DLGAP1: variants seen among roughly 807,000 people sequenced by gnomAD.
DLGAP1 encodes DLG associated protein 1.
In DLGAP1, 11 loss-of-function variants were observed where a neutral mutation model predicts 90.8. The observed-to-expected ratio is 0.12, with a 90% CI of 0.08 to 0.20. The LOEUF is 0.20. DLGAP1 is among the 10% of genes least tolerant of loss of function. The pLI, the probability that DLGAP1 is intolerant of heterozygous loss-of-function variation, is 1.00. For synonymous variants in DLGAP1, 558 were observed against 540.7 expected (o/e 1.03, Z -0.44); for missense variants, 1,050 against 1,333.8 (o/e 0.79, Z 3.31).
At chr18:3,933,250 C>T (rs1312304768) in intron 3 of DLGAP1, among the ~76,000 whole-genome samples, 1 of 152,198 alleles carries the variant, frequency 6.6e-6, no homozygotes, top group Non-Finnish European at 1.5e-5. Context: ...ATTCAGATGG[C>T]TTCTGCCTTT....
At chr18:3,990,816 A>G (rs1438410849) in intron 3 of DLGAP1, among the ~76,000 whole-genome samples, 3 of 151,990 alleles carry the variant, frequency 2.0e-5, no homozygotes, top group African/African-American at 7.2e-5. Context: ...AACATAGTAC[A>G]TGCAACAGAG....
chr18:4,099,482 G>A (rs2075743932), intron 2 of DLGAP1, among the ~76,000 whole-genome samples: 1 of 152,132 alleles, frequency 6.6e-6, no homozygotes, highest in South Asian at 2.1e-4. Context: ...ACACTGCACT[G>A]TAGTTTATTG....
intron 7 of DLGAP1, among the ~76,000 whole-genome samples, chr18:3,611,088 C>T (rs1330883376): frequency 1.3e-5 from 2 of 151,352 alleles, no homozygotes; most frequent in Non-Finnish European, 1.5e-5. Context: ...GCTATGATCG[C>T]ACCACTGCAC....
In DLGAP1 at chr18:3,666,341, T is replaced by C. The variant is rs140554056; in HGVS notation, c.1591+62794A>G. 6.0e-3 allele frequency among the ~76,000 whole-genome samples: 906 copies of C among 152,100 alleles called. 13 individuals carry two copies. Among genetic ancestry groups the C allele is most frequent in the African/African-American group, 0.021 (855 of 41,538 alleles). On this transcript the variant is annotated intron_variant, in intron 7 of 12. Transcript: ENST00000315677. ...AAGGATTTTTAAACATATTTTTTCC[T>C]TGGCGGAACTCTTTTTAGTAAGGAT...
At chr18:4,112,055 T>C (rs1180822346) in intron 2 of DLGAP1, among the ~76,000 whole-genome samples, 2 of 151,892 alleles carry the variant, frequency 1.3e-5, no homozygotes, top group Non-Finnish European at 2.9e-5. Context: ...TCTTTTTTAA[T>C]GTAGGCACTT....
intron 4 of DLGAP1, among the ~76,000 whole-genome samples, chr18:3,833,190 C>A (rs1380890572): frequency 0.019 from 564 of 30,010 alleles, 88 homozygotes; most frequent in African/African-American, 0.053. Context: ...TCCTTCCTTC[C>A]TTCCTTCCTT....
At chr18:3,880,944 GAAAAAAAAAA>G (rs1173817359) in intron 3 of DLGAP1, among the ~76,000 whole-genome samples, 2 of 38,376 alleles carry the variant, frequency 5.2e-5, no homozygotes, top group African/African-American at 1.8e-4. Flanking sequence ...CTCCATCTCA[GAAAAAAAAAA>G]AAAAAAAAAA....
chr18:4,101,786 T>C (rs569845773), intron 2 of DLGAP1, among the ~76,000 whole-genome samples: 2 of 152,106 alleles, frequency 1.3e-5, no homozygotes, highest in South Asian at 2.1e-4. Context: ...TTAATAATTA[T>C]ACACACATAT....
At chr18:4,258,769 G>C (rs547780884) in intron 1 of DLGAP1, among the ~76,000 whole-genome samples, 2 of 152,210 alleles carry the variant, frequency 1.3e-5, no homozygotes, top group East Asian at 3.9e-4. Flanking sequence ...AAATAGAAAT[G>C]ATCAGCAAAA....
intron 1 of DLGAP1, among the ~76,000 whole-genome samples, chr18:4,438,134 T>C (rs540037385): frequency 5.1e-4 from 77 of 152,250 alleles, no homozygotes; most frequent in African/African-American, 1.8e-3. Flanking sequence ...ACACCTCCCA[T>C]GGGGCCCAGT....
At chr18:3,961,032 C>T (rs1354098140) in intron 3 of DLGAP1, among the ~76,000 whole-genome samples, 1 of 152,218 alleles carries the variant, frequency 6.6e-6, no homozygotes, top group Non-Finnish European at 1.5e-5. Context: ...TGTTCTCTTC[C>T]TGCTTCTGGA....
chr18:3,529,690 T>C (rs1424401570), intron 10 of DLGAP1, among the ~76,000 whole-genome samples: 1 of 152,172 alleles, frequency 6.6e-6, no homozygotes, highest in Non-Finnish European at 1.5e-5. Context: ...TATAAAATAA[T>C]GTGGGAAGTA....
intron 2 of DLGAP1, among the ~76,000 whole-genome samples, chr18:4,113,828 T>C (rs759024510): frequency 2.0e-5 from 3 of 152,164 alleles, no homozygotes; most frequent in Non-Finnish European, 2.9e-5. Context: ...CTTTTGCAAA[T>C]GGCTAGCCAG....
chr18:4,289,100 C>T (rs77320237), intron 1 of DLGAP1, among the ~76,000 whole-genome samples: 4,608 of 152,266 alleles, frequency 0.03, 155 homozygotes, highest in African/African-American at 0.085. Flanking sequence ...GACTGAAATA[C>T]TGCCCTGTTC....
chr18:3,900,684 G>A (rs941940857), intron 3 of DLGAP1, among the ~76,000 whole-genome samples: 3 of 152,100 alleles, frequency 2.0e-5, no homozygotes, highest in African/African-American at 7.2e-5. Context: ...GGATGCAGGA[G>A]GAATCACACA....
At chr18:3,872,808 A>G (rs1047365261) in intron 4 of DLGAP1, among the ~76,000 whole-genome samples, 1 of 152,182 alleles carries the variant, frequency 6.6e-6, no homozygotes, top group African/African-American at 2.4e-5. Context: ...CAATCAAGCA[A>G]ACTGTCTTCT....
Position 3,790,216 on chromosome 18 carries a change from CTTTG to C in DLGAP1, c.1172+23839_1172+23842del, listed in dbSNP as rs1290015998. Among the ~76,000 whole-genome samples the C allele has an allele frequency of 2.6e-5, 4 of 151,754 alleles. No homozygotes were observed. In the East Asian group the frequency reaches 7.8e-4, roughly 29 times the overall value. ...CAGTGAATGGTGGAACTTGGCTCTT[CTTTG>C]TTTGGACAGTTTCAAAATCTTCCTA... On this transcript the variant is annotated intron_variant, in intron 5 of 12. Coordinates refer to ENST00000315677, the MANE Select transcript of DLGAP1 (RefSeq NM_004746.4).
At chr18:3,840,592 T>C (rs1162951401) in intron 4 of DLGAP1, among the ~76,000 whole-genome samples, 1 of 152,232 alleles carries the variant, frequency 6.6e-6, no homozygotes, top group Non-Finnish European at 1.5e-5. Flanking sequence ...TGCAAAGTCA[T>C]CTTTTCCACA....
chr18:3,812,953 C>T (rs144373042), intron 5 of DLGAP1, among the ~76,000 whole-genome samples: 57 of 152,212 alleles, frequency 3.7e-4, no homozygotes, highest in Middle Eastern at 3.4e-3. Context: ...CTTAAAAATA[C>T]GAATTATCCG....
Sources: allele counts gnomAD v4.1 joint callset (sites outside exome capture counted in the v4.1 genomes callset), GRCh38; gene constraint gnomAD v4.1.1; transcripts MANE v1.5; gene names NCBI Gene and HGNC (gene_info 2026-07-23, HGNC 2026-07-21).